The following HPSE2 variants were observed in gnomAD, a reference collection of about 807,000 sequenced individuals.
HPSE2 encodes the protein inactive heparanase-2.
Under a neutral mutation model 60.5 loss-of-function variants are expected in HPSE2, and 38 were observed. The ratio of observed to expected loss-of-function variants is 0.63; its 90% CI spans 0.48 to 0.82. The LOEUF (loss-of-function observed/expected upper bound fraction) is 0.82. Among genes scored for constraint, HPSE2 ranks in the 40% least tolerant of loss-of-function variants. HPSE2 has a pLI of 0.00. For missense variants in HPSE2, 713 were observed against 740.4 expected, an observed-to-expected ratio of 0.96 and a Z score of 0.43; for synonymous variants, 295 against 293.2, an observed-to-expected ratio of 1.01 and a Z score of -0.06.
chr10:98,473,251 G>A (rs1000623797), intron 11 of HPSE2, among the ~76,000 whole-genome samples: 11 of 152,010 alleles, frequency 7.2e-5, no homozygotes, highest in Non-Finnish European at 1.3e-4. Flanking sequence ...CTGGGAGGCC[G>A]AGATGGGTGG....
At chr10:98,766,901 G>C (rs1163607875) in intron 3 of HPSE2, among the ~76,000 whole-genome samples, 1 of 151,880 alleles carries the variant, frequency 6.6e-6, no homozygotes. Context: ...CTCCAGCCTG[G>C]GTGACAGAGC....
chr10:99,269,140 C>T, the HPSE2 span, among the ~76,000 whole-genome samples: 107 of 149,526 alleles, frequency 7.2e-4, 1 homozygote, highest in African/African-American at 2.6e-3. Flanking sequence ...GCCTGGGGGA[C>T]AAGAGCGAGA....
At chr10:98,548,489 C>T (rs1943761624) in intron 9 of HPSE2, among the ~76,000 whole-genome samples, 1 of 152,028 alleles carries the variant, frequency 6.6e-6, no homozygotes, top group South Asian at 2.1e-4. Context: ...TAGTGGTGTG[C>T]ACTTGTAATC....
At chr10:98,994,630 A>G (rs567776122) in intron 3 of HPSE2, among the ~76,000 whole-genome samples, 2 of 152,304 alleles carry the variant, frequency 1.3e-5, no homozygotes, top group South Asian at 2.1e-4. Context: ...GGCTATAGCC[A>G]TGTCAGCCCA....
Position 98,588,426 on chromosome 10 carries a change from A to G in HPSE2, c.1320+26478T>C, listed in dbSNP as rs532365817. Among the ~76,000 whole-genome samples the G allele has an allele frequency of 2.6e-5, 4 of 152,322 alleles. 1 individual carries two copies. The highest frequency in any genetic ancestry group is 9.6e-5 in the African/African-American group (4 of 41,576). On this transcript the variant is annotated intron_variant, in intron 9 of 11. Coordinates refer to ENST00000370552, the MANE Select transcript of HPSE2 (RefSeq NM_021828.5). Reference sequence around the variant, plus strand: ...CGGGGAGACTTTACCAACCTAGGGCAGCTACAGTGGCACAGAAACAGTGTC... The same window carrying G: ...CGGGGAGACTTTACCAACCTAGGGCGGCTACAGTGGCACAGAAACAGTGTC...
intron 3 of HPSE2, among the ~76,000 whole-genome samples, chr10:99,103,382 A>G (rs1265087845): frequency 6.6e-6 from 1 of 152,184 alleles, no homozygotes; most frequent in Non-Finnish European, 1.5e-5. Context: ...TCCCATTCAC[A>G]ATTGCTTCAA....
intron 4 of HPSE2, among the ~76,000 whole-genome samples, chr10:98,728,906 G>A (rs984378102): frequency 1.3e-5 from 2 of 152,044 alleles, no homozygotes; most frequent in African/African-American, 2.4e-5. Context: ...CTACTCAGGA[G>A]GCTAAGGTGG....
chr10:99,210,058 AAAAT>A (rs1270067409), intron 2 of HPSE2, among the ~76,000 whole-genome samples: 3 of 152,210 alleles, frequency 2.0e-5, no homozygotes, highest in Non-Finnish European at 4.4e-5. Flanking sequence ...AGAAAAAACT[AAAAT>A]AAATAAAATT....
At chr10:98,462,105 T>C (rs1054234752) in intron 11 of HPSE2, among the ~76,000 whole-genome samples, 3 of 152,340 alleles carry the variant, frequency 2.0e-5, no homozygotes, top group East Asian at 1.9e-4. Context: ...ATAAGAAATA[T>C]GAAAGTGCTT....
intron 3 of HPSE2, among the ~76,000 whole-genome samples, chr10:99,058,458 G>T (rs1025727363): frequency 6.6e-6 from 1 of 152,098 alleles, no homozygotes; most frequent in Admixed American, 6.5e-5. Flanking sequence ...AGCAAAACAG[G>T]ATTCCCAGCA....
intron 9 of HPSE2, among the ~76,000 whole-genome samples, chr10:98,583,102 T>A (rs547352313): frequency 6.6e-6 from 1 of 152,278 alleles, no homozygotes; most frequent in South Asian, 2.1e-4. Context: ...CAAAACTGCA[T>A]CAGCCTGCTA....
intron 2 of HPSE2, among the ~76,000 whole-genome samples, chr10:99,196,865 C>T (rs926829846): frequency 4.6e-5 from 7 of 152,148 alleles, no homozygotes; most frequent in Non-Finnish European, 7.4e-5. Context: ...AATCCTACTA[C>T]TGGGTATATA....
At chr10:99,044,444 C>T (rs1957809909) in intron 3 of HPSE2, among the ~76,000 whole-genome samples, 1 of 152,164 alleles carries the variant, frequency 6.6e-6, no homozygotes, top group Non-Finnish European at 1.5e-5. Context: ...AGCAATCACA[C>T]AATCAAGCTG....
At chr10:98,526,970 G>A (rs1312895388) in intron 9 of HPSE2, among the ~76,000 whole-genome samples, 2 of 152,126 alleles carry the variant, frequency 1.3e-5, no homozygotes, top group Admixed American at 6.6e-5. Flanking sequence ...AAACCCACTC[G>A]GGTTTGTGCA....
At chr10:98,636,236 T>TTTTTTTTTTG (rs1491179462) in intron 7 of HPSE2, among the ~76,000 whole-genome samples, 1 of 17,328 alleles carries the variant, frequency 5.8e-5, no homozygotes, top group Non-Finnish European at 4.0e-4. Context: ...AATTATCCTG[T>TTTTTTTTTTG]TTTTTTTTTT....
At chr10:99,211,808 T>A (rs1848961169) in intron 2 of HPSE2, among the ~76,000 whole-genome samples, 1 of 152,112 alleles carries the variant, frequency 6.6e-6, no homozygotes, top group Non-Finnish European at 1.5e-5. Context: ...GGGCAATAAT[T>A]TTTTGGATAT....
intron 9 of HPSE2, among the ~76,000 whole-genome samples, chr10:98,575,044 G>A (rs1046014789): frequency 2.0e-5 from 3 of 152,096 alleles, no homozygotes; most frequent in Non-Finnish European, 4.4e-5. Flanking sequence ...GAGGAAAGCT[G>A]GATAGGCTGA....
chr10:99,261,934 T>A, the HPSE2 span, among the ~76,000 whole-genome samples: 1 of 152,176 alleles, frequency 6.6e-6, no homozygotes, highest in African/African-American at 2.4e-5. Flanking sequence ...CTGTGTCCCA[T>A]CTTTGCAGGA....
At position 98,459,297 on chromosome 10, in the gene HPSE2, G is replaced by C. The variant is rs1246107463; in HGVS notation, c.*277C>G. 4.3e-6 allele frequency: 2 copies of C among 460,152 alleles called. No homozygotes were observed. The highest frequency in any genetic ancestry group is 8.0e-6 in the Non-Finnish European group (2 of 248,872). 28.5% of individuals were successfully genotyped at this position (460,152 alleles called of 1,614,324 possible). A position where few individuals can be genotyped will look rare whatever the true frequency, so the allele number is the denominator to read the frequency against. On this transcript the variant is annotated 3_prime_UTR_variant, in exon 12 of 12. Coordinates refer to ENST00000370552, the MANE Select transcript of HPSE2 (RefSeq NM_021828.5). ...AGTGTGCTGTCAGCTCGTTTTCATA[G>C]TGCACATGAAGGGAAACATTCTGCT...
Sources: gnomAD v4.1 joint callset for allele counts (sites outside exome capture counted in the v4.1 genomes callset) on GRCh38, gnomAD v4.1.1 for gene constraint, MANE v1.5 for transcripts, NCBI Gene and HGNC (gene_info 2026-07-23, HGNC 2026-07-21) for gene names.